The following PAX5 variants were observed in gnomAD, a reference collection of about 807,000 sequenced individuals.
PAX5 encodes paired box protein Pax-5.
In PAX5, 9 loss-of-function variants were observed where a neutral mutation model predicts 43.7. The observed-to-expected ratio is 0.21, with a 90% CI of 0.12 to 0.36. The LOEUF is 0.36. Among genes scored for constraint, PAX5 ranks in the 10% least tolerant of loss-of-function variants. The probability of loss-of-function intolerance (pLI) is 1.00; values close to 1 mark genes in which losing one functional copy is unlikely to be tolerated. For missense variants in PAX5, 383 were observed against 532.7 expected, an observed-to-expected ratio of 0.72 and a Z score of 2.77; for synonymous variants, 228 against 214.3, an observed-to-expected ratio of 1.06 and a Z score of -0.56.
At chr9:36,913,379 C>T (rs1200728034) in intron 7 of PAX5, among the ~76,000 whole-genome samples, 8 of 152,230 alleles carry the variant, frequency 5.3e-5, no homozygotes, top group African/African-American at 1.9e-4. Flanking sequence ...CAGTCTGGCC[C>T]CATTCCTTTG....
intron 6 of PAX5, among the ~76,000 whole-genome samples, chr9:36,929,233 A>C (rs575552371): frequency 3.7e-4 from 51 of 137,402 alleles, no homozygotes; most frequent in African/African-American, 1.4e-3. Context: ...GAAGGAAGGA[A>C]GGAGGAAGGA....
At chr9:37,030,742 G>T (rs966208784) in intron 1 of PAX5, among the ~76,000 whole-genome samples, 3 of 152,184 alleles carry the variant, frequency 2.0e-5, no homozygotes, top group African/African-American at 7.2e-5. Context: ...ACCCCCTCCC[G>T]GCTTCCCTTT....
chr9:36,862,913 C>A (rs1824363420), intron 8 of PAX5, among the ~76,000 whole-genome samples: 1 of 152,138 alleles, frequency 6.6e-6, no homozygotes, highest in South Asian at 2.1e-4. Context: ...TTAAAACAGA[C>A]CAAGGGGGCA....
intron 7 of PAX5, among the ~76,000 whole-genome samples, chr9:36,889,099 TG>T (rs1273862937): frequency 5.3e-5 from 8 of 152,236 alleles, no homozygotes; most frequent in Non-Finnish European, 1.2e-4. Flanking sequence ...ACTCTTCTCA[TG>T]GAGAAGTGAG....
intron 6 of PAX5, among the ~76,000 whole-genome samples, chr9:36,938,775 A>G (rs757890664): frequency 4.6e-5 from 7 of 152,218 alleles, no homozygotes; most frequent in Non-Finnish European, 7.3e-5. Context: ...ACCATCCGAC[A>G]TGGTTGGGAG....
chr9:36,912,075 T>C (rs1034419208), intron 7 of PAX5, among the ~76,000 whole-genome samples: 18 of 152,182 alleles, frequency 1.2e-4, no homozygotes, highest in Non-Finnish European at 2.6e-4. Flanking sequence ...CAGCCAGACA[T>C]CCTGACGGGG....
At chr9:36,991,571 C>A (rs911967700) in intron 5 of PAX5, among the ~76,000 whole-genome samples, 1 of 152,238 alleles carries the variant, frequency 6.6e-6, no homozygotes, top group African/African-American at 2.4e-5. Context: ...CAGCCTCCCC[C>A]TCCCTGACTG....
Position 37,002,738 on chromosome 9 carries a change from T to A in PAX5, c.514A>T (p.Thr172Ser). Residue 172 changes from threonine to serine, a missense_variant, in exon 5 of 10, where the codon ACG (threonine) becomes TCG (serine). Transcript: ENST00000358127. ...GSVTQVSSVS[T>S]DSAGSSYSIS... ...GAGTACGACGAGCCGGCCGAATCCG[T>A]GCTCACCGAGGACACCTGCGTCACG... 6.2e-7 allele frequency: 1 copy of A among 1,610,536 alleles called. No individual in the cohort carries two copies. The highest frequency in any genetic ancestry group is 1.1e-5 in the South Asian group (1 of 90,278).
intron 1 of PAX5, among the ~76,000 whole-genome samples, chr9:37,032,190 CA>C (rs1201012890): frequency 6.6e-6 from 1 of 152,036 alleles, no homozygotes; most frequent in African/African-American, 2.4e-5. Flanking sequence ...TCCAGCTATG[CA>C]GAGGAATAAA....
chr9:36,991,893 G>T (rs1381700527), intron 5 of PAX5, among the ~76,000 whole-genome samples: 1 of 152,124 alleles, frequency 6.6e-6, no homozygotes, highest in Non-Finnish European at 1.5e-5. Flanking sequence ...CAAGCAATGT[G>T]TTTCTCACAC....
intron 1 of PAX5, among the ~76,000 whole-genome samples, chr9:37,029,141 G>A (rs1840715719): frequency 6.6e-6 from 1 of 152,164 alleles, no homozygotes; most frequent in Non-Finnish European, 1.5e-5. Flanking sequence ...CAAAACAAGG[G>A]CTTTGAGATG....
intron 1 of PAX5, among the ~76,000 whole-genome samples, chr9:37,023,477 G>T (rs1474489027): frequency 1.3e-5 from 2 of 152,172 alleles, no homozygotes; most frequent in Non-Finnish European, 2.9e-5. Flanking sequence ...GTGAAGACCA[G>T]GAAACAGACC....
At chr9:36,891,702 C>T (rs1827404002) in intron 7 of PAX5, among the ~76,000 whole-genome samples, 1 of 152,210 alleles carries the variant, frequency 6.6e-6, no homozygotes, top group Non-Finnish European at 1.5e-5. Context: ...GGTTTATTAG[C>T]CATTAGTTTG....
At chr9:36,844,677 C>T (rs1472421085) in intron 9 of PAX5, among the ~76,000 whole-genome samples, 1 of 152,180 alleles carries the variant, frequency 6.6e-6, no homozygotes, top group Non-Finnish European at 1.5e-5. Context: ...TTTTCCACAA[C>T]AGGCACACAG....
At chr9:36,990,529 C>T (rs987252796) in intron 5 of PAX5, among the ~76,000 whole-genome samples, 5 of 152,132 alleles carry the variant, frequency 3.3e-5, no homozygotes, top group African/African-American at 1.2e-4. Flanking sequence ...TTTCTTTCAG[C>T]TGCTATGTGG....
chr9:36,955,776 A>AT lies in PAX5; in HGVS notation c.780+10772_780+10773insA, dbSNP rs1011804806. Among the ~76,000 whole-genome samples the AT allele has an allele frequency of 5.3e-3, 389 of 73,790 alleles. 4 individuals carry two copies. Among genetic ancestry groups the AT allele is most frequent in the African/African-American group, 0.012 (340 of 27,322 alleles). The allele number at this position is 73,790 out of a possible 152,430, so 48.4% of individuals were successfully genotyped here. On this transcript the variant is annotated intron_variant, in intron 6 of 9. Coordinates refer to ENST00000358127, the MANE Select transcript of PAX5 (RefSeq NM_016734.3). ...GATTTCCCTCTTTTTGTTTCAAAAA[A>AT]AAAAAAATATATATATATATATATA...
At chr9:37,016,791 C>A (rs1366122297) in intron 2 of PAX5, among the ~76,000 whole-genome samples, 1 of 152,066 alleles carries the variant, frequency 6.6e-6, no homozygotes, top group Non-Finnish European at 1.5e-5. Context: ...AAAATGTTAC[C>A]CAAGATGACT....
intron 4 of PAX5, among the ~76,000 whole-genome samples, chr9:37,003,529 G>A (rs1388482408): frequency 6.6e-6 from 1 of 152,154 alleles, no homozygotes; most frequent in Admixed American, 6.5e-5. Context: ...GGCTCACCCA[G>A]GATCATACAG....
At chr9:36,864,600 G>T (rs192499503) in intron 8 of PAX5, among the ~76,000 whole-genome samples, 1 of 152,192 alleles carries the variant, frequency 6.6e-6, no homozygotes, top group South Asian at 2.1e-4. Context: ...TGCCCCCATC[G>T]GCCCAGGCCA....
Sources: allele counts gnomAD v4.1 joint callset (sites outside exome capture counted in the v4.1 genomes callset), GRCh38; gene constraint gnomAD v4.1.1; transcripts MANE v1.5; gene names NCBI Gene and HGNC (gene_info 2026-07-23, HGNC 2026-07-21).